Variants in WAC observed in about 807,000 individuals in gnomAD.
The protein encoded by WAC is WW domain-containing adapter protein with coiled-coil.
Under a neutral mutation model 79.6 loss-of-function variants are expected in WAC, and 11 were observed. That is an observed-to-expected ratio of 0.14 (90% CI 0.09 to 0.23). WAC has a LOEUF of 0.23. Among genes scored for constraint, WAC ranks in the 10% least tolerant of loss-of-function variants. WAC has a pLI of 1.00. For synonymous variants in WAC, 304 were observed against 276.9 expected (o/e 1.10, Z -0.97); for missense variants, 728 against 773.5 (o/e 0.94, Z 0.70).
chr10:28,578,970 G>T (rs1839389671), intron 3 of WAC, among the ~76,000 whole-genome samples: 1 of 152,080 alleles, frequency 6.6e-6, no homozygotes, highest in South Asian at 2.1e-4. Flanking sequence ...TCTTAAAGTT[G>T]CAAGCTTAAG....
chr10:28,595,954 A>G lies in WAC; in HGVS notation c.832A>G (p.Lys278Glu). 1 of 1,614,136 alleles carries G rather than the reference A, an allele frequency of 6.2e-7. No individual in the cohort carries two copies. The highest frequency in any genetic ancestry group is 8.5e-7 in the Non-Finnish European group (1 of 1,180,006). The change falls in exon 7 of 14, where the codon AAA becomes GAA. Residue 278 changes from lysine (K) to glutamate (E), a missense_variant. Lys to Glu is a moderately conservative substitution (Grantham distance 56). Around this residue, in one of 3 missense-constraint regions of WAC, gnomAD observed 648 missense variants for 661.5 expected, o/e 0.98. Coordinates refer to ENST00000354911, the MANE Select transcript of WAC (RefSeq NM_016628.5). Reference protein sequence around the residue: ...FTLQSDHQPKKSFDANGASTL... With the variant: ...FTLQSDHQPKESFDANGASTL... ...GCTACAGTCTGATCACCAGCCAAAG[A>G]AATCATTTGATGCTAATGGAGCATC...
chr10:28,563,564 A>G (rs1426101870), intron 3 of WAC, among the ~76,000 whole-genome samples: 1 of 151,730 alleles, frequency 6.6e-6, no homozygotes, highest in Non-Finnish European at 1.5e-5. Context: ...TTTAGTATAC[A>G]GTGGGTTTGT....
intron 3 of WAC, among the ~76,000 whole-genome samples, chr10:28,581,588 T>C (rs1362392800): frequency 1.3e-5 from 2 of 152,170 alleles, no homozygotes; most frequent in African/African-American, 2.4e-5. Flanking sequence ...AGAGTCTTGC[T>C]CTGTTGCCCA....
chr10:28,545,355 C>A (rs1161479042), intron 3 of WAC, among the ~76,000 whole-genome samples: 1 of 152,136 alleles, frequency 6.6e-6, no homozygotes, highest in African/African-American at 2.4e-5. Flanking sequence ...TGGTGCATAC[C>A]TGTAATCCCA....
chr10:28,572,590 C>T (rs867596000), intron 3 of WAC, among the ~76,000 whole-genome samples: 4 of 151,794 alleles, frequency 2.6e-5, no homozygotes, highest in Non-Finnish European at 5.9e-5. Flanking sequence ...GTGGGCTGAT[C>T]ACTTGAGGTC....
At chr10:28,603,892 C>T (rs574887470) in intron 7 of WAC, among the ~76,000 whole-genome samples, 2 of 140,840 alleles carry the variant, frequency 1.4e-5, no homozygotes, top group African/African-American at 5.3e-5. Context: ...TGAGATTGCA[C>T]CACTGCACTC....
Position 28,609,546 on chromosome 10 carries a change from C to A in WAC, c.1165+1115C>A, listed in dbSNP as rs183584289. Among the ~76,000 whole-genome samples the A allele has an allele frequency of 1.4e-4, 22 of 152,206 alleles. No homozygotes were observed. The East Asian group carries it at 4.3e-3, about 29-fold the overall frequency. The stretch of plus-strand genomic sequence containing the variant: ...TATTTTATTCTCTAACCACGCAGTT[C>A]TCTTGTGTGGTAGGTAAATGTTTCA... On this transcript the variant is annotated intron_variant, in intron 8 of 13. Coordinates refer to ENST00000354911, the MANE Select transcript of WAC (RefSeq NM_016628.5).
At chr10:28,618,986 T>C (rs1357372610) in intron 13 of WAC, among the ~76,000 whole-genome samples, 2 of 152,164 alleles carry the variant, frequency 1.3e-5, no homozygotes, top group Non-Finnish European at 2.9e-5. Flanking sequence ...TATTAAGAAA[T>C]TGTTAGAAAA....
intron 3 of WAC, among the ~76,000 whole-genome samples, chr10:28,556,533 CT>C (rs911522760): frequency 2.7e-5 from 4 of 148,104 alleles, no homozygotes; most frequent in African/African-American, 5.0e-5. Context: ...TGATTTTTTT[CT>C]TTTTTTCGTG....
chr10:28,569,664 CT>C (rs1205772521), intron 3 of WAC, among the ~76,000 whole-genome samples: 1 of 152,064 alleles, frequency 6.6e-6, no homozygotes, highest in Non-Finnish European at 1.5e-5. Flanking sequence ...AGAGCTGTGG[CT>C]GGGCAAGGAG....
In WAC at chr10:28,595,803, C is replaced by T. The variant is rs1239466059; in HGVS notation, c.681C>T (p.His227=). The change falls in exon 7 of 14, where the codon CAC becomes CAT. Residue 227 remains histidine, a synonymous_variant. Coordinates refer to ENST00000354911, the MANE Select transcript of WAC (RefSeq NM_016628.5). ...PQNILSQTSR[H]NDRDYRLPRA... ...ATATTTTGTCTCAAACAAGCAGACA[C>T]AATGACAGAGACTACAGACTGCCAA... is the stretch of plus-strand genomic sequence containing the variant. 34 of 1,613,996 alleles carry T rather than the reference C, an allele frequency of 2.1e-5. No homozygotes were observed. Among genetic ancestry groups the T allele is most frequent in the Non-Finnish European group, 2.5e-5 (29 of 1,180,014 alleles).
intron 3 of WAC, among the ~76,000 whole-genome samples, chr10:28,556,938 CTT>C (rs896561977): frequency 6.6e-6 from 1 of 152,056 alleles, no homozygotes; most frequent in African/African-American, 2.4e-5. Flanking sequence ...CAGAACCATA[CTT>C]TTTTTATTAT....
chr10:28,619,411 T>C (rs1841612220), intron 13 of WAC, 126 bp from the exon 14 acceptor site: 1 of 688,380 alleles, frequency 1.5e-6, no homozygotes, highest in South Asian at 2.1e-5. Context: ...TAAATAATTT[T>C]TTAAATTTCT....
chr10:28,566,262 C>CGT (rs1838602534), intron 3 of WAC, among the ~76,000 whole-genome samples: 1 of 151,692 alleles, frequency 6.6e-6, no homozygotes, highest in Non-Finnish European at 1.5e-5. Flanking sequence ...TGTGTGTGCA[C>CGT]GTGTGTGTGT....
At chr10:28,577,588 C>T (rs751785091) in intron 3 of WAC, among the ~76,000 whole-genome samples, 5 of 151,940 alleles carry the variant, frequency 3.3e-5, no homozygotes, top group African/African-American at 2.4e-5. Flanking sequence ...GTGCTGTGGC[C>T]GCTGGTTAGG....
At chr10:28,551,970 G>C (rs574302475) in intron 3 of WAC, among the ~76,000 whole-genome samples, 1 of 152,070 alleles carries the variant, frequency 6.6e-6, no homozygotes, top group South Asian at 2.1e-4. Flanking sequence ...GGGATTCCAG[G>C]CATGCGCCAC....
intron 3 of WAC, among the ~76,000 whole-genome samples, chr10:28,578,436 G>A (rs895774300): frequency 2.6e-5 from 4 of 152,074 alleles, no homozygotes; most frequent in African/African-American, 9.7e-5. Context: ...AAATTCTGGC[G>A]GTTGTCAGGG....
intron 3 of WAC, among the ~76,000 whole-genome samples, chr10:28,556,631 A>G (rs1838013088): frequency 6.6e-6 from 1 of 151,852 alleles, no homozygotes; most frequent in South Asian, 2.1e-4. Context: ...AATTATTGCC[A>G]AGACCAAAGT....
chr10:28,537,068 T>G (rs552414410), intron 3 of WAC, among the ~76,000 whole-genome samples: 1 of 152,218 alleles, frequency 6.6e-6, no homozygotes, highest in African/African-American at 2.4e-5. Context: ...TCTACATAAT[T>G]ACTGGTTTGA....
Sources: allele counts gnomAD v4.1 joint callset (sites outside exome capture counted in the v4.1 genomes callset), GRCh38; gene constraint gnomAD v4.1.1; regional missense constraint gnomAD v4.1.1; transcripts MANE v1.5; gene names NCBI Gene and HGNC (gene_info 2026-07-23, HGNC 2026-07-21).